RAB21: variants seen among roughly 807,000 people sequenced by gnomAD.
The protein encoded by RAB21 is ras-related protein Rab-21.
RAB21 carries 13 observed loss-of-function variants against 33.1 expected under a neutral mutation model. The observed-to-expected ratio is 0.39, with a 90% CI of 0.26 to 0.62. The LOEUF (loss-of-function observed/expected upper bound fraction) is 0.62, where lower values mean the gene tolerates loss of function less well. RAB21 is among the 20% of genes least tolerant of loss of function. The probability of loss-of-function intolerance (pLI) is 0.48; values close to 1 mark genes in which losing one functional copy is unlikely to be tolerated. For synonymous variants in RAB21, 91 were observed against 103.7 expected (o/e 0.88, Z 0.74); for missense variants, 234 against 279.1 (o/e 0.84, Z 1.15).
chr12:71,788,907 G>A lies in RAB21; in HGVS notation c.*3234G>A, dbSNP rs1182011052. On this transcript the variant is annotated 3_prime_UTR_variant, in exon 7 of 7. Transcript: ENST00000261263. ...TAATGTGAAAAGAAAAAAGCATTAT[G>A]TTATTGTATGAAATATAAGTGTTCA... 1 of 151,982 alleles carries A rather than the reference G, an allele frequency of 6.6e-6. No homozygotes were observed. Among genetic ancestry groups the A allele is most frequent in the Non-Finnish European group, 1.5e-5 (1 of 67,946 alleles). 9.4% of individuals were successfully genotyped at this position (151,982 alleles called of 1,614,324 possible).
intron 1 of RAB21, among the ~76,000 whole-genome samples, chr12:71,756,258 G>C (rs1882784100): frequency 6.6e-6 from 1 of 152,126 alleles, no homozygotes; most frequent in South Asian, 2.1e-4. Context: ...ACCTGTCTGT[G>C]CCTGTTTCTT....
chr12:71,770,245 GAACTTA>G (rs1186440309), intron 2 of RAB21, among the ~76,000 whole-genome samples: 1 of 152,094 alleles, frequency 6.6e-6, no homozygotes, highest in Middle Eastern at 3.2e-3. Flanking sequence ...CCCAGTGTGG[GAACTTA>G]AACTTAGGGC....
At chr12:71,761,437 G>T (rs1226178074) in intron 1 of RAB21, among the ~76,000 whole-genome samples, 1 of 152,106 alleles carries the variant, frequency 6.6e-6, no homozygotes, top group Non-Finnish European at 1.5e-5. Flanking sequence ...CCAGCACTTT[G>T]GGAGGCTGAG....
intron 1 of RAB21, among the ~76,000 whole-genome samples, chr12:71,763,894 T>G (rs1355388701): frequency 6.6e-6 from 1 of 152,178 alleles, no homozygotes; most frequent in African/African-American, 2.4e-5. Flanking sequence ...TCAGACAGGC[T>G]TCCACCCACT....
rs2137661967 is a variant in RAB21 at position 71,787,265 on chromosome 12, T to G, written c.*1592T>G. The stretch of plus-strand genomic sequence containing the variant: ...ATTAGTCCCTCATTAGATTTTTTTT[T>G]CTTAAGCATAAGACTGAACTTAAAT... On this transcript the variant is annotated 3_prime_UTR_variant, in exon 7 of 7. Coordinates refer to ENST00000261263, the MANE Select transcript of RAB21 (RefSeq NM_014999.4). 1 of 152,328 alleles carries G rather than the reference T, an allele frequency of 6.6e-6. No individual in the cohort carries two copies. The highest frequency in any genetic ancestry group is 2.1e-4 in the South Asian group (1 of 4,824). 9.4% of individuals were successfully genotyped at this position (152,328 alleles called of 1,614,324 possible).
rs533051992 is a variant in RAB21, at chr12:71,779,168, T to C, written c.392-2863T>C. On this transcript the variant is annotated intron_variant, in intron 4 of 6. Transcript: ENST00000261263. ...GAGGTTAACTAATTTGTCCAAAATA[T>C]TACAGTTATGGCCAGGCGTGGTGAC... 8.5e-5 allele frequency among the ~76,000 whole-genome samples: 13 copies of C among 152,178 alleles called. No homozygotes were observed. In the South Asian group the frequency reaches 2.7e-3, roughly 32 times the overall value.
intron 1 of RAB21, among the ~76,000 whole-genome samples, chr12:71,758,986 T>C (rs1322804249): frequency 1.3e-5 from 2 of 152,226 alleles, no homozygotes; most frequent in Non-Finnish European, 2.9e-5. Flanking sequence ...TCAGAATTTC[T>C]CTTTGATAAA....
intron 1 of RAB21, among the ~76,000 whole-genome samples, chr12:71,767,424 AG>A (rs1565887205): frequency 6.6e-6 from 1 of 152,188 alleles, no homozygotes; most frequent in East Asian, 1.9e-4. Flanking sequence ...GGGATGTTCA[AG>A]CATACTTATT....
intron 5 of RAB21, 32 bp downstream of exon 5, chr12:71,782,117 C>A: frequency 6.4e-7 from 1 of 1,564,908 alleles, no homozygotes; most frequent in Admixed American, 1.7e-5. Flanking sequence ...TTCCCCATCA[C>A]TCCCTAGTAG....
rs1439983145 is a variant in RAB21, at chr12:71,789,852, C to G, written c.*4179C>G. ...TACACATATGTCTGATGGCCTTTAC[C>G]TTTTCAAGAAAACAGTTGCAATTTT... On this transcript the variant is annotated 3_prime_UTR_variant, in exon 7 of 7. Transcript: ENST00000261263. 6.6e-6 allele frequency: 1 copy of G among 152,026 alleles called. No homozygotes were observed. The highest frequency in any genetic ancestry group is 2.4e-5 in the African/African-American group (1 of 41,434). 9.4% of individuals were successfully genotyped at this position (152,026 alleles called of 1,614,324 possible).
rs1366864793 is a variant in RAB21, at chr12:71,798,650, A to G, written c.*12977A>G. The stretch of plus-strand genomic sequence containing the variant: ...CAACTTTATTACTAAGAGAAGTATA[A>G]GACAAAACTATACTGAGATACCAGT... On this transcript the variant is annotated 3_prime_UTR_variant, in exon 7 of 7. Transcript: ENST00000261263. The G allele has an allele frequency of 6.6e-6, 1 of 152,216 alleles. No homozygotes were observed. The highest frequency in any genetic ancestry group is 1.5e-5 in the Non-Finnish European group (1 of 68,040). 9.4% of individuals were successfully genotyped at this position (152,216 alleles called of 1,614,324 possible). A position where few individuals can be genotyped will look rare whatever the true frequency, so the allele number is the denominator to read the frequency against.
chr12:71,772,205 C>T (rs753695373), intron 3 of RAB21, among the ~76,000 whole-genome samples: 32 of 152,282 alleles, frequency 2.1e-4, no homozygotes, highest in Non-Finnish European at 4.3e-4. Context: ...GCCTAGTTCT[C>T]CATCTGGCCT....
Position 71,785,853 on chromosome 12 carries a change from C to T in RAB21, c.*180C>T, listed in dbSNP as rs1883277577. ...GTGCTAAACTTAGTGGAGTTTGTGA[C>T]CAGAGAATTGGCATTTTCTACAAAT... On this transcript the variant is annotated 3_prime_UTR_variant, in exon 7 of 7. Transcript: ENST00000261263. 1 of 607,992 alleles carries T rather than the reference C, an allele frequency of 1.6e-6. No homozygotes were observed. Among genetic ancestry groups the T allele is most frequent in the Non-Finnish European group, 2.6e-6 (1 of 383,422 alleles). The allele number at this position is 607,992 out of a possible 1,614,324, so 37.7% of individuals were successfully genotyped here.
intron 1 of RAB21, among the ~76,000 whole-genome samples, chr12:71,762,286 G>GGTTTT (rs200338487): frequency 0.13 from 19,143 of 151,294 alleles, 1,708 homozygotes; most frequent in East Asian, 0.43. Flanking sequence ...ACCTAGCTTA[G>GGTTTT]GTTTTGTTTT....
chr12:71,769,734 A>T, intron 1 of RAB21, 66 bp from the exon 2 acceptor site: 1 of 756,680 alleles, frequency 1.3e-6, no homozygotes, highest in Non-Finnish European at 2.0e-6. Context: ...TCATTCATCT[A>T]TAGTTGTTAG....
At chr12:71,781,741 GTA>G (rs1883204301) in intron 4 of RAB21, among the ~76,000 whole-genome samples, 1 of 152,028 alleles carries the variant, frequency 6.6e-6, no homozygotes, top group African/African-American at 2.4e-5. Context: ...TAGGTCTCTG[GTA>G]TCCCCCAAAA....
chr12:71,776,719 A>G (rs965300665), intron 4 of RAB21, among the ~76,000 whole-genome samples: 2 of 152,056 alleles, frequency 1.3e-5, no homozygotes, highest in African/African-American at 4.8e-5. Context: ...GTTTAAAAAA[A>G]AAAAAAAGAA....
chr12:71,793,607 T>A lies in RAB21; in HGVS notation c.*7934T>A, dbSNP rs1883418413. On this transcript the variant is annotated 3_prime_UTR_variant, in exon 7 of 7. Transcript: ENST00000261263. ...ACTAGTTCACAAAAGGTTAGTAAATTTAGTGATTTAATGAGTTCTTCAAAA... is the reference window on the plus strand; with the variant it reads ...ACTAGTTCACAAAAGGTTAGTAAATATAGTGATTTAATGAGTTCTTCAAAA... 1 of 152,188 alleles carries A rather than the reference T, an allele frequency of 6.6e-6. No individual in the cohort carries two copies. The highest frequency in any genetic ancestry group is 6.5e-5 in the Admixed American group (1 of 15,288). 9.4% of individuals were successfully genotyped at this position (152,188 alleles called of 1,614,324 possible). A position where few individuals can be genotyped will look rare whatever the true frequency, so the allele number is the denominator to read the frequency against.
intron 6 of RAB21, among the ~76,000 whole-genome samples, chr12:71,783,445 T>G (rs955750781): frequency 2.6e-5 from 4 of 151,214 alleles, no homozygotes; most frequent in Non-Finnish European, 5.9e-5. Context: ...AGAATATTGA[T>G]ATGTGTGTGT....
Sources: gnomAD v4.1 joint callset for allele counts (sites outside exome capture counted in the v4.1 genomes callset) on GRCh38, gnomAD v4.1.1 for gene constraint, MANE v1.5 for transcripts, NCBI Gene and HGNC (gene_info 2026-07-23, HGNC 2026-07-21) for gene names.